Variants in SYNPO observed in about 807,000 individuals in gnomAD.
SYNPO encodes synaptopodin.
A neutral mutation model predicts 49.5 loss-of-function variants in SYNPO; 19 were observed. The observed-to-expected ratio is 0.38, with a 90% CI of 0.27 to 0.56. SYNPO has a LOEUF of 0.56. Ranked by LOEUF, SYNPO falls within the 20% of genes least tolerant of loss-of-function variation. The pLI is 0.68. For synonymous variants in SYNPO, 536 were observed against 548.0 expected, an observed-to-expected ratio of 0.98 and a Z score of 0.31; for missense variants, 1,131 against 1,248.3, an observed-to-expected ratio of 0.91 and a Z score of 1.42.
At chr5:150,590,270 C>T in the SYNPO span, among the ~76,000 whole-genome samples, 112 of 152,324 alleles carry the variant, frequency 7.4e-4, no homozygotes, top group Middle Eastern at 6.8e-3. Flanking sequence ...CTCTCCCCTA[C>T]GTGCTCCCCT....
At chr5:150,596,886 A>G (rs552384625), upstream of SYNPO, among the ~76,000 whole-genome samples, 30 of 152,320 alleles carry the variant, frequency 2.0e-4, no homozygotes, top group South Asian at 5.4e-3. Flanking sequence ...CACGGGCCCC[A>G]TCATGTACCC....
chr5:150,597,742 G>A (rs1445655111), upstream of SYNPO, among the ~76,000 whole-genome samples: 1 of 152,172 alleles, frequency 6.6e-6, no homozygotes, highest in Non-Finnish European at 1.5e-5. Flanking sequence ...GGGTTCAAGT[G>A]ATTCTCCTGC....
chr5:150,651,250 AGCGCAGTGGAACGGG>A (rs1758372337), intron 2 of SYNPO: 2 of 1,001,976 alleles, frequency 2.0e-6, no homozygotes, highest in Non-Finnish European at 2.4e-6. Context: ...AAGCCACCTC[AGCGCAGTGGAACGGG>A]GCCCAGGGGG....
At chr5:150,615,293 T>C (rs1756954034) in intron 1 of SYNPO, 1 of 152,310 alleles carries the variant, frequency 6.6e-6, no homozygotes, top group East Asian at 1.9e-4. Context: ...AAAATATTTG[T>C]GTGGGTGGCG....
At chr5:150,623,938 C>T (rs1279930243) in intron 2 of SYNPO, among the ~76,000 whole-genome samples, 1 of 152,208 alleles carries the variant, frequency 6.6e-6, no homozygotes, top group East Asian at 1.9e-4. Context: ...TGCCATCAGT[C>T]CTGTGCCAAG....
chr5:150,620,388 C>T (rs1180189987), intron 2 of SYNPO, among the ~76,000 whole-genome samples: 2 of 152,186 alleles, frequency 1.3e-5, no homozygotes, highest in Non-Finnish European at 2.9e-5. Flanking sequence ...CTTTTCATTT[C>T]ATTTAACCTC....
chr5:150,640,500 A>G (rs1317352195), upstream of SYNPO: 3 of 332,658 alleles, frequency 9.0e-6, no homozygotes, highest in South Asian at 2.4e-4. Context: ...TTGATCCTCC[A>G]TGTCCTGGGG....
intron 1 of SYNPO, among the ~76,000 whole-genome samples, chr5:150,641,077 A>G (rs957286311): frequency 2.6e-5 from 4 of 152,126 alleles, no homozygotes; most frequent in Admixed American, 6.5e-5. Flanking sequence ...ACCAAAGTCT[A>G]GATTGTTCTC....
Position 150,656,758 on chromosome 5 carries a change from C to G in SYNPO, c.2383C>G (p.Pro795Ala). 1 of 1,213,284 alleles carries G rather than the reference C, an allele frequency of 8.2e-7. No homozygotes were observed. Among genetic ancestry groups the G allele is most frequent in the East Asian group, 3.5e-5 (1 of 28,450 alleles). The allele number at this position is 1,213,284 out of a possible 1,614,324, so 75.2% of individuals were successfully genotyped here. Residue 795 changes from proline to alanine, a missense_variant, in exon 3 of 3, where the codon CCC (proline) becomes GCC (alanine). By Grantham distance (27) the Pro-to-Ala change is conservative. Around this residue, in one of 4 missense-constraint regions of SYNPO, gnomAD observed 509 missense variants for 484.5 expected, o/e 1.05. Coordinates refer to ENST00000307662, the MANE Select transcript of SYNPO (RefSeq NM_007286.6). ...PPRAPPPPPP[P>A]PPPPPRMRSP... ...GAGGGCGCCACCGCCCCCGCCCCCG[C>G]CCCCGCCCCCGCCCCCGCGCATGCG...
chr5:150,637,494 A>C (rs1307556492), upstream of SYNPO, among the ~76,000 whole-genome samples: 3 of 152,208 alleles, frequency 2.0e-5, no homozygotes, highest in Non-Finnish European at 4.4e-5. Flanking sequence ...CCGGCCCCTG[A>C]GGAGTTTGCA....
At chr5:150,616,664 C>G (rs959337629) in intron 1 of SYNPO, among the ~76,000 whole-genome samples, 1 of 152,218 alleles carries the variant, frequency 6.6e-6, no homozygotes, top group African/African-American at 2.4e-5. Flanking sequence ...CCCTGCTCCA[C>G]TAAACAGCTG....
intron 2 of SYNPO, chr5:150,624,614 T>G (rs1457343746): frequency 3.7e-5 from 2 of 53,838 alleles, no homozygotes; most frequent in Admixed American, 1.8e-4. Context: ...CCCCCAGGGC[T>G]GGGCGGGGCG....
intron 1 of SYNPO, among the ~76,000 whole-genome samples, chr5:150,643,031 A>G (rs1452186394): frequency 6.6e-6 from 1 of 152,218 alleles, no homozygotes; most frequent in Non-Finnish European, 1.5e-5. Context: ...AAGGCCCTTC[A>G]TATTCTGACA....
rs375243664 is a variant in SYNPO, at chr5:150,618,720, C to A, written c.353C>A (p.Thr118Lys). The A allele has an allele frequency of 3.4e-5, 53 of 1,551,176 alleles. No homozygotes were observed. The African/African-American group carries it at 6.2e-4, about 18-fold the overall frequency. ...GTAGTGAAGGCCGGGCAGATGATGA[C>A]AGCCAGCCCCAGCCCTGGCCCTGGG... Residue 118 changes from threonine to lysine, a missense_variant, in exon 2 of 3, where the codon ACA becomes AAA. Transcript: ENST00000394243.
At chr5:150,623,942 T>C (rs1581472768) in intron 2 of SYNPO, among the ~76,000 whole-genome samples, 1 of 152,216 alleles carries the variant, frequency 6.6e-6, no homozygotes, top group African/African-American at 2.4e-5. Flanking sequence ...ATCAGTCCTG[T>C]GCCAAGCCCA....
rs1275338233 is a variant in SYNPO at position 150,648,975 on chromosome 5, T to C, written c.700T>C (p.Ser234Pro). The C allele has an allele frequency of 5.0e-6, 8 of 1,614,000 alleles. No individual in the cohort carries two copies. In the African/African-American group the frequency reaches 6.7e-5, roughly 13 times the overall value. ...EVHFTLAKPP[S>P]VVNRTARPFG... Reference sequence around the variant, plus strand: ...CCACTTCACACTGGCCAAGCCCCCATCAGTGGTCAACAGGACGGCCAGGCC... The same window carrying C: ...CCACTTCACACTGGCCAAGCCCCCACCAGTGGTCAACAGGACGGCCAGGCC... Residue 234 changes from serine (S) to proline (P), a missense_variant, in exon 2 of 3, where the codon TCA becomes CCA. By Grantham distance (74) the Ser-to-Pro change is moderately conservative. Around this residue, in one of 4 missense-constraint regions of SYNPO, gnomAD observed 602 missense variants for 720.7 expected, o/e 0.84. Transcript: ENST00000307662. The surrounding 1 kb of genome is among the most constrained non-coding windows in gnomAD (Gnocchi z 5.0).
At chr5:150,609,913 G>A (rs1425692547) in intron 1 of SYNPO, among the ~76,000 whole-genome samples, 3 of 152,214 alleles carry the variant, frequency 2.0e-5, no homozygotes, top group Non-Finnish European at 4.4e-5. Flanking sequence ...GTGTGGCCAA[G>A]GGAGACTGGA....
rs530273561 is a variant in SYNPO, at chr5:150,630,201, C to T, written c.400+11434C>T. ...GCTCTGCCATGGCCTGATGAGTGGG[C>T]GTTGTTAGTGCCTTGGAACTTGAGT... is the stretch of plus-strand genomic sequence containing the variant. On this transcript the variant is annotated intron_variant, in intron 2 of 2. Coordinates refer to the SYNPO transcript ENST00000394243. 4.6e-5 allele frequency among the ~76,000 whole-genome samples: 7 copies of T among 152,208 alleles called. No homozygotes were observed. In the South Asian group the frequency reaches 1.2e-3, roughly 27 times the overall value.
rs1758630222 is a variant in SYNPO at position 150,657,760 on chromosome 5, C to G, written c.*673C>G. The G allele has an allele frequency of 1.3e-5, 2 of 152,610 alleles. No homozygotes were observed. Among genetic ancestry groups the G allele is most frequent in the Non-Finnish European group, 2.9e-5 (2 of 68,230 alleles). 9.5% of individuals were successfully genotyped at this position (152,610 alleles called of 1,614,324 possible). A position where few individuals can be genotyped will look rare whatever the true frequency, so the allele number is the denominator to read the frequency against. ...TTTAGAGAGGTCTCCCAGGCCAGCT[C>G]AAGGTGTCCCACTATCCCCTCTGGA... On this transcript the variant is annotated 3_prime_UTR_variant, in exon 3 of 3. Coordinates refer to ENST00000307662, the MANE Select transcript of SYNPO (RefSeq NM_007286.6).
Sources: gnomAD v4.1 joint callset for allele counts (sites outside exome capture counted in the v4.1 genomes callset) on GRCh38, gnomAD v4.1.1 for gene constraint, gnomAD v4.1.1 regional missense constraint, Gnocchi (gnomAD v3.1) non-coding constraint, MANE v1.5 for transcripts, NCBI Gene and HGNC (gene_info 2026-07-23, HGNC 2026-07-21) for gene names.